Variants in EXD1 observed in about 807,000 individuals in gnomAD.
EXD1 encodes piRNA biogenesis protein EXD1.
In EXD1, 63 loss-of-function variants were observed where a neutral mutation model predicts 49.1. The observed-to-expected ratio is 1.28, with a 90% CI of 1.05 to 1.58. The LOEUF (loss-of-function observed/expected upper bound fraction) is 1.58, where lower values mean the gene tolerates loss of function less well. EXD1 is among the 40% of genes most tolerant of loss of function. The pLI is 0.00. For missense variants in EXD1, 748 were observed against 666.0 expected (o/e 1.12, Z -1.36); for synonymous variants, 234 against 239.2 (o/e 0.98, Z 0.20).
At chr15:41,217,727 G>T (rs769637246) in intron 3 of EXD1, among the ~76,000 whole-genome samples, 5 of 151,940 alleles carry the variant, frequency 3.3e-5, no homozygotes, top group Non-Finnish European at 7.4e-5. Flanking sequence ...GTAGAGACGG[G>T]GTTTCACCAT....
intron 6 of EXD1, among the ~76,000 whole-genome samples, chr15:41,213,251 G>A (rs1474442101): frequency 6.6e-6 from 1 of 151,554 alleles, no homozygotes; most frequent in African/African-American, 2.4e-5. Flanking sequence ...ACCCAGGCTG[G>A]AGTGCAGTGG....
rs574360402 is a variant in EXD1, at chr15:41,187,781, C to T, written c.1056+2156G>A. ...TTGTAAATCTAGCACTCTGGGAGGC[C>T]GAGGCGGGTGGATCACCTGAGGTCA... On this transcript the variant is annotated intron_variant, in intron 11 of 11. Coordinates refer to ENST00000458580, the MANE Select transcript of EXD1 (RefSeq NM_001286441.2). Among the ~76,000 whole-genome samples the T allele has an allele frequency of 1.8e-4, 27 of 151,972 alleles. No individual in the cohort carries two copies. The East Asian group carries it at 4.1e-3, about 23-fold the overall frequency.
At chr15:41,205,318 T>C (rs993284856) in intron 7 of EXD1, among the ~76,000 whole-genome samples, 45 of 152,238 alleles carry the variant, frequency 3.0e-4, no homozygotes, top group African/African-American at 9.4e-4. Flanking sequence ...AAATGCAGCA[T>C]AGGTTGGCAG....
chr15:41,202,833 G>A (rs983246856), intron 7 of EXD1, among the ~76,000 whole-genome samples: 7 of 151,040 alleles, frequency 4.6e-5, no homozygotes, highest in Non-Finnish European at 7.4e-5. Context: ...CGCGAGAATC[G>A]CTGGAACTCA....
intron 7 of EXD1, among the ~76,000 whole-genome samples, chr15:41,199,394 T>C (rs533009370): frequency 1.3e-5 from 2 of 151,044 alleles, no homozygotes; most frequent in Non-Finnish European, 2.9e-5. Context: ...GGCCCCTTTT[T>C]TTTCTTGTAT....
intron 7 of EXD1, among the ~76,000 whole-genome samples, chr15:41,199,747 T>TATGATATATTATATATCA (rs558589077): frequency 1.0e-5 from 1 of 99,760 alleles, no homozygotes; most frequent in African/African-American, 4.0e-5. Context: ...ATGTCATATA[T>TATGATATATTATATATCA]TATATATGAT....
In EXD1 at chr15:41,192,592, GCATTTTTTTTTTTTTTT is replaced by G. The variant is rs1402756672; in HGVS notation, c.721-1024_721-1008del. ...TTACAGGCGTGAACCACTGCGCCAG[GCATTTTTTTTTTTTTTT>G]TTTTTTTTTTTTTTTTTTTTTTTGA... On this transcript the variant is annotated intron_variant, in intron 9 of 11. Transcript: ENST00000458580. Among the ~76,000 whole-genome samples, 192 of 86,212 alleles carry G rather than the reference GCATTTTTTTTTTTTTTT, an allele frequency of 2.2e-3. 24 individuals are homozygous for G. The highest frequency in any genetic ancestry group is 6.7e-3 in the Middle Eastern group (1 of 150). 56.6% of individuals were successfully genotyped at this position (86,212 alleles called of 152,430 possible).
intron 6 of EXD1, among the ~76,000 whole-genome samples, chr15:41,212,719 A>C (rs1441465049): frequency 6.6e-6 from 1 of 152,228 alleles, no homozygotes; most frequent in East Asian, 1.9e-4. Flanking sequence ...ATGGATAAAT[A>C]AAATGTAGTA....
intron 11 of EXD1, among the ~76,000 whole-genome samples, chr15:41,185,100 G>C (rs2046387753): frequency 1.3e-5 from 2 of 152,124 alleles, no homozygotes; most frequent in East Asian, 3.9e-4. Flanking sequence ...TGAATCCATA[G>C]GGCTGTGTGT....
At chr15:41,226,697 C>T (rs2047169208) in intron 1 of EXD1, 69 bp from the exon 2 acceptor site, 1 of 1,249,846 alleles carries the variant, frequency 8.0e-7, no homozygotes, top group Non-Finnish European at 1.1e-6. Context: ...TTTCCCTTTC[C>T]CCATATCTGT....
chr15:41,226,264 T>G (rs1445872663), intron 2 of EXD1, among the ~76,000 whole-genome samples, 179 bp downstream of exon 2: 1 of 150,214 alleles, frequency 6.7e-6, no homozygotes, highest in African/African-American at 2.4e-5. Flanking sequence ...AAAAAAAAAG[T>G]AGGGACAAAC....
chr15:41,206,618 C>CTTT lies in EXD1; in HGVS notation c.534+2880_534+2882dup, dbSNP rs764744329. Reference sequence around the variant, plus strand: ...AATATAACAATCCTGTTATTCAATTCTTTTTTTTTTTTTTTTTTTTTGAGA... The same window carrying CTTT: ...AATATAACAATCCTGTTATTCAATTCTTTTTTTTTTTTTTTTTTTTTTTTGAGA... On this transcript the variant is annotated intron_variant, in intron 7 of 11. Coordinates refer to ENST00000458580, the MANE Select transcript of EXD1 (RefSeq NM_001286441.2). Among the ~76,000 whole-genome samples, 266 of 101,144 alleles carry CTTT rather than the reference C, an allele frequency of 2.6e-3. 3 individuals are homozygous for CTTT. The highest frequency in any genetic ancestry group is 6.2e-3 in the Middle Eastern group (1 of 162). 66.4% of individuals were successfully genotyped at this position (101,144 alleles called of 152,430 possible). A position where few individuals can be genotyped will look rare whatever the true frequency, so the allele number is the denominator to read the frequency against.
Position 41,230,726 on chromosome 15 carries a change from A to T in EXD1, c.-301T>A. 4.7e-6 allele frequency: 3 copies of T among 633,188 alleles called. No homozygotes were observed. Among genetic ancestry groups the T allele is most frequent in the South Asian group, 2.0e-5 (1 of 48,940 alleles). 39.2% of individuals were successfully genotyped at this position (633,188 alleles called of 1,614,324 possible). ...GCCGGGGACACACGCCGCAGAGGCG[A>T]CGCCCGCCCGGCCCAACGTCCAGTC... On this transcript the variant is annotated 5_prime_UTR_variant, in exon 1 of 12. Transcript: ENST00000458580.
chr15:41,189,932 C>T lies in EXD1; in HGVS notation c.1056+5G>A. On this transcript the variant is annotated splice_donor_5th_base_variant and intron_variant, in intron 11 of 11. Transcript: ENST00000458580. Reference sequence around the variant, plus strand: ...GAGGTCCTGAAGACAGAGAGCTGCACCTACCTCAGTGCCTCCAAGCCGGTC... The same window carrying T: ...GAGGTCCTGAAGACAGAGAGCTGCATCTACCTCAGTGCCTCCAAGCCGGTC... 1 of 1,613,530 alleles carries T rather than the reference C, an allele frequency of 6.2e-7. No homozygotes were observed. Among genetic ancestry groups the T allele is most frequent in the Non-Finnish European group, 8.5e-7 (1 of 1,179,622 alleles).
At chr15:41,212,404 G>A (rs1005593215) in intron 6 of EXD1, among the ~76,000 whole-genome samples, 13 of 151,364 alleles carry the variant, frequency 8.6e-5, no homozygotes, top group South Asian at 2.1e-4. Flanking sequence ...GCAGTGAGCC[G>A]AGATGGTGCC....
intron 7 of EXD1, among the ~76,000 whole-genome samples, chr15:41,209,181 A>C (rs557671989): frequency 1.3e-5 from 2 of 152,174 alleles, no homozygotes; most frequent in African/African-American, 4.8e-5. Flanking sequence ...CCCAGTGACT[A>C]GGGGGGCTAA....
intron 10 of EXD1, 108 bp from the exon 11 acceptor site, chr15:41,190,236 AGGC>A: frequency 4.4e-6 from 5 of 1,136,096 alleles, no homozygotes; most frequent in Non-Finnish European, 6.5e-6. Context: ...GCACTCTGGG[AGGC>A]TGAGGCAGGC....
At chr15:41,199,723 T>TATATATCAC (rs1555414681) in intron 7 of EXD1, among the ~76,000 whole-genome samples, 1,518 of 36,212 alleles carry the variant, frequency 0.042, 112 homozygotes, top group African/African-American at 0.11. Context: ...TATGATATAT[T>TATATATCAC]ATATATGATA....
chr15:41,185,995 T>G (rs1028192469), intron 11 of EXD1, among the ~76,000 whole-genome samples: 3 of 152,202 alleles, frequency 2.0e-5, no homozygotes, highest in Admixed American at 2.0e-4. Context: ...TTTTTCAATT[T>G]CCATAGCTCA....
Sources: allele counts gnomAD v4.1 joint callset (sites outside exome capture counted in the v4.1 genomes callset), GRCh38; gene constraint gnomAD v4.1.1; transcripts MANE v1.5; gene names NCBI Gene and HGNC (gene_info 2026-07-23, HGNC 2026-07-21).